Variants in PKNOX2 observed in about 807,000 individuals in gnomAD.
The protein encoded by PKNOX2 is homeobox protein PKNOX2.
PKNOX2 carries 14 observed loss-of-function variants against 53.1 expected under a neutral mutation model. The observed-to-expected ratio is 0.26, with a 90% confidence interval of 0.17 to 0.41. The LOEUF is 0.41. PKNOX2 is among the 10% of genes least tolerant of loss of function. The pLI is 1.00. For missense variants in PKNOX2, 496 were observed against 602.8 expected, an observed-to-expected ratio of 0.82 and a Z score of 1.85; for synonymous variants, 257 against 242.8, an observed-to-expected ratio of 1.06 and a Z score of -0.54.
intron 1 of PKNOX2, among the ~76,000 whole-genome samples, chr11:125,180,092 C>T (rs1415038885): frequency 6.6e-6 from 1 of 152,138 alleles, no homozygotes; most frequent in Non-Finnish European, 1.5e-5. Context: ...CCTGAGGGCC[C>T]CCGCGTGTAC....
intron 1 of PKNOX2, among the ~76,000 whole-genome samples, chr11:125,167,055 G>T (rs1954930784): frequency 6.6e-6 from 1 of 151,928 alleles, no homozygotes; most frequent in Non-Finnish European, 1.5e-5. Flanking sequence ...GGGAGGGAGG[G>T]TCCCGTTTCT....
chr11:125,285,827 C>T (rs1344356992), intron 2 of PKNOX2, among the ~76,000 whole-genome samples: 6 of 152,342 alleles, frequency 3.9e-5, no homozygotes, highest in Non-Finnish European at 7.3e-5. Flanking sequence ...TCCAAGCTCA[C>T]GGCTTCCTAA....
At chr11:125,212,512 C>T (rs1244628577) in intron 1 of PKNOX2, among the ~76,000 whole-genome samples, 3 of 139,362 alleles carry the variant, frequency 2.2e-5, no homozygotes, top group African/African-American at 5.4e-5. Flanking sequence ...TGGAGTGCAG[C>T]GGCGTGATCA....
rs115435093 is a variant in PKNOX2 at position 125,236,471 on chromosome 11, C to T, written c.-130+1356C>T. ...TCCTCGCATCGGAGGTTAGAGGGAC[C>T]TCATAAGTCAAGTATGAGGAGCAAG... On this transcript the variant is annotated intron_variant, in intron 2 of 12. Transcript: ENST00000298282. 8.0e-3 allele frequency among the ~76,000 whole-genome samples: 1,219 copies of T among 152,236 alleles called. 22 individuals carry two copies. Among genetic ancestry groups the T allele is most frequent in the African/African-American group, 0.028 (1,166 of 41,542 alleles).
chr11:125,335,065 C>G (rs1950361589), intron 3 of PKNOX2, among the ~76,000 whole-genome samples: 1 of 152,124 alleles, frequency 6.6e-6, no homozygotes, highest in Non-Finnish European at 1.5e-5. Flanking sequence ...TGTGCAAGCC[C>G]CTCCCCTTGA....
At chr11:125,206,092 G>A (rs1364770527) in intron 1 of PKNOX2, among the ~76,000 whole-genome samples, 3 of 151,964 alleles carry the variant, frequency 2.0e-5, no homozygotes, top group Admixed American at 2.0e-4. Flanking sequence ...TATTTATGGG[G>A]CACTCACTGT....
chr11:125,413,097 G>T (rs2135561995), intron 10 of PKNOX2, among the ~76,000 whole-genome samples: 1 of 152,356 alleles, frequency 6.6e-6, no homozygotes, highest in South Asian at 2.1e-4. Flanking sequence ...GCCTCTGGGG[G>T]CGTGGGGCTG....
At chr11:125,318,462 A>G (rs1949336710) in intron 2 of PKNOX2, among the ~76,000 whole-genome samples, 1 of 152,028 alleles carries the variant, frequency 6.6e-6, no homozygotes, top group Non-Finnish European at 1.5e-5. Flanking sequence ...CTCCGCCTTC[A>G]TAGAATTGAA....
chr11:125,353,822 C>G (rs1325105536), intron 4 of PKNOX2, among the ~76,000 whole-genome samples: 2 of 152,170 alleles, frequency 1.3e-5, no homozygotes, highest in African/African-American at 4.8e-5. Flanking sequence ...GATGAAGGCA[C>G]TAGGCTATGC....
At chr11:125,260,909 C>A (rs1394781265) in intron 2 of PKNOX2, among the ~76,000 whole-genome samples, 1 of 152,212 alleles carries the variant, frequency 6.6e-6, no homozygotes, top group Admixed American at 6.5e-5. Context: ...AGCTGGCCCA[C>A]AGTGGAAGGC....
At chr11:125,264,379 G>C (rs1591503758) in intron 2 of PKNOX2, among the ~76,000 whole-genome samples, 1 of 152,156 alleles carries the variant, frequency 6.6e-6, no homozygotes, top group East Asian at 1.9e-4. Flanking sequence ...GTGGGCCTGG[G>C]GTCCTGGGGA....
rs958411199 is a variant in PKNOX2, at chr11:125,236,321, T to A, written c.-130+1206T>A. Reference sequence around the variant, plus strand: ...CTCAGGAGCAGTCGGATCTCCAGGCTGGGGTGTTGGGGGAAGGGTACCTCC... The same window carrying A: ...CTCAGGAGCAGTCGGATCTCCAGGCAGGGGTGTTGGGGGAAGGGTACCTCC... On this transcript the variant is annotated intron_variant, in intron 2 of 12. Coordinates refer to ENST00000298282, the MANE Select transcript of PKNOX2 (RefSeq NM_001382323.2). Among the ~76,000 whole-genome samples, 42 of 123,586 alleles carry A rather than the reference T, an allele frequency of 3.4e-4. 1 individual carries two copies. The highest frequency in any genetic ancestry group is 1.2e-3 in the African/African-American group (38 of 31,276). 81.1% of individuals were successfully genotyped at this position (123,586 alleles called of 152,430 possible).
At chr11:125,404,592 T>C (rs1171342424) in intron 7 of PKNOX2, among the ~76,000 whole-genome samples, 1 of 151,780 alleles carries the variant, frequency 6.6e-6, no homozygotes, top group Non-Finnish European at 1.5e-5. Flanking sequence ...CTAAGGCACA[T>C]TTGCGCGGGC....
rs760192897 is a variant in PKNOX2 at position 125,411,781 on chromosome 11, G to A, written c.852G>A (p.Glu284=). 2 of 1,614,128 alleles carry A rather than the reference G, an allele frequency of 1.2e-6. No homozygotes were observed. The highest frequency in any genetic ancestry group is 1.7e-6 in the Non-Finnish European group (2 of 1,180,016). ...NLDLTSLLDN[E]DKKSKNKRGV... is the part of the protein sequence containing the mutation. ...ACCTCACCTCCCTCCTGGACAATGA[G>A]GATAAGAAGTCCAAGAACAAACGAG... The change falls in exon 10 of 13, where the codon GAG becomes GAA. Residue 284 remains glutamate (E), a synonymous_variant. Transcript: ENST00000298282.
intron 1 of PKNOX2, among the ~76,000 whole-genome samples, chr11:125,178,976 G>A (rs1955986931): frequency 6.6e-6 from 1 of 152,098 alleles, no homozygotes; most frequent in African/African-American, 2.4e-5. Flanking sequence ...ACGGTGTGGT[G>A]TCGGGCTCGG....
At chr11:125,224,316 T>A (rs1941491802) in intron 1 of PKNOX2, among the ~76,000 whole-genome samples, 1 of 152,222 alleles carries the variant, frequency 6.6e-6, no homozygotes, top group Admixed American at 6.5e-5. Flanking sequence ...GGAGAGAGAT[T>A]GTTCAGGGTA....
At chr11:125,246,757 A>G (rs572627652) in intron 2 of PKNOX2, among the ~76,000 whole-genome samples, 27 of 152,152 alleles carry the variant, frequency 1.8e-4, no homozygotes, top group African/African-American at 6.0e-4. Context: ...ATCACTGTGC[A>G]TTTTGCTTTT....
At chr11:125,322,185 T>G (rs1425673818) in intron 2 of PKNOX2, among the ~76,000 whole-genome samples, 2 of 151,706 alleles carry the variant, frequency 1.3e-5, no homozygotes, top group Non-Finnish European at 2.9e-5. Flanking sequence ...CTCGAATACC[T>G]GCACTAAAGA....
At chr11:125,190,252 A>G (rs1450400384) in intron 1 of PKNOX2, among the ~76,000 whole-genome samples, 1 of 152,074 alleles carries the variant, frequency 6.6e-6, no homozygotes, top group Non-Finnish European at 1.5e-5. Context: ...AAGTGTCTCA[A>G]TTTGGGCAAT....
Sources: gnomAD v4.1 joint callset for allele counts (sites outside exome capture counted in the v4.1 genomes callset) on GRCh38, gnomAD v4.1.1 for gene constraint, MANE v1.5 for transcripts, NCBI Gene and HGNC (gene_info 2026-07-23, HGNC 2026-07-21) for gene names.